The following NAALADL2 variants were observed in gnomAD, a reference collection of about 807,000 sequenced individuals.
NAALADL2 encodes the protein N-acetylated alpha-linked acidic dipeptidase like 2.
A neutral mutation model predicts 87.2 loss-of-function variants in NAALADL2; 76 were observed. The observed-to-expected ratio is 0.87, with a 90% CI of 0.72 to 1.05. The LOEUF (loss-of-function observed/expected upper bound fraction) is 1.05. NAALADL2 is among the 50% of genes least tolerant of loss of function. The pLI, the probability that NAALADL2 is intolerant of heterozygous loss-of-function variation, is 0.00. For synonymous variants in NAALADL2, 354 were observed against 331.0 expected (o/e 1.07, Z -0.75); for missense variants, 1,089 against 945.8 (o/e 1.15, Z -1.99).
Position 175,616,843 on chromosome 3 carries a change from G to A in NAALADL2, c.1801-10448G>A, listed in dbSNP as rs770561358. On this transcript the variant is annotated intron_variant, in intron 10 of 13. Transcript: ENST00000454872. ...ATTGCCCATGGCTTCTAGCCCTTTC[G>A]TAGCTTCTGCTTTTAAGGGATATTG... is the stretch of plus-strand genomic sequence containing the variant. 2.1e-4 allele frequency among the ~76,000 whole-genome samples: 32 copies of A among 152,156 alleles called. 1 individual carries two copies. Among genetic ancestry groups the A allele is most frequent in the African/African-American group, 7.5e-4 (31 of 41,446 alleles).
chr3:174,496,625 T>C (rs1275484059), intron 1 of NAALADL2, among the ~76,000 whole-genome samples: 1 of 151,626 alleles, frequency 6.6e-6, no homozygotes, highest in East Asian at 1.9e-4. Context: ...TTAAGAACCC[T>C]CAGTTAAGAG....
chr3:174,723,616 C>T (rs1000121155), intron 2 of NAALADL2, among the ~76,000 whole-genome samples: 4 of 151,680 alleles, frequency 2.6e-5, no homozygotes, highest in Admixed American at 6.6e-5. Flanking sequence ...ATTAGCCGGG[C>T]ATGGTGGCGG....
chr3:175,377,299 G>A (rs1767249572), intron 5 of NAALADL2, among the ~76,000 whole-genome samples: 1 of 152,096 alleles, frequency 6.6e-6, no homozygotes, highest in Admixed American at 6.5e-5. Flanking sequence ...GTGACAGAGT[G>A]ACACTCTGTT....
At chr3:175,347,637 A>T (rs971951844) in intron 5 of NAALADL2, among the ~76,000 whole-genome samples, 1 of 152,220 alleles carries the variant, frequency 6.6e-6, no homozygotes, top group Admixed American at 6.5e-5. Flanking sequence ...TTTCTTGGTC[A>T]TGGCTTTATG....
At chr3:174,611,777 A>G (rs967534070) in intron 2 of NAALADL2, among the ~76,000 whole-genome samples, 6 of 149,754 alleles carry the variant, frequency 4.0e-5, no homozygotes, top group Non-Finnish European at 8.9e-5. Context: ...TTTTTTTTTT[A>G]GTAGAGACGG....
chr3:174,974,382 C>A (rs1283590499), intron 1 of NAALADL2, among the ~76,000 whole-genome samples: 3 of 152,104 alleles, frequency 2.0e-5, no homozygotes, highest in Non-Finnish European at 4.4e-5. Flanking sequence ...TGAAATTTAT[C>A]AAGGCATCCC....
At chr3:175,722,434 T>A (rs1742363352) in intron 11 of NAALADL2, among the ~76,000 whole-genome samples, 1 of 152,072 alleles carries the variant, frequency 6.6e-6, no homozygotes, top group South Asian at 2.1e-4. Flanking sequence ...CCTAAGTAAA[T>A]GAGGTGGTTC....
At chr3:175,381,363 T>C (rs1219052213) in intron 5 of NAALADL2, among the ~76,000 whole-genome samples, 1 of 151,668 alleles carries the variant, frequency 6.6e-6, no homozygotes, top group East Asian at 1.9e-4. Flanking sequence ...TAAAAAAGAT[T>C]AGTTACAGAT....
chr3:175,617,086 T>G (rs984182904), intron 10 of NAALADL2, among the ~76,000 whole-genome samples: 2 of 152,016 alleles, frequency 1.3e-5, no homozygotes, highest in Admixed American at 6.6e-5. Context: ...TCAAACATGA[T>G]TAAAAAGGCG....
In NAALADL2 at chr3:175,576,092, A is replaced by G; in HGVS notation, c.1705A>G (p.Ser569Gly). Reference sequence around the variant, plus strand: ...AGCCCAGTGCCCAGAAACCAATATCAGTTCTATACAGATACAAGGTGATGC... The same window carrying G: ...AGCCCAGTGCCCAGAAACCAATATCGGTTCTATACAGATACAAGGTGATGC... Reference protein sequence around the residue: ...RRAQCPETNISSIQIQGDADY... With the variant: ...RRAQCPETNIGSIQIQGDADY... Residue 569 changes from serine (S) to glycine (G), a missense_variant, in exon 10 of 14, where the codon AGT (serine) becomes GGT (glycine). Ser to Gly is a moderately conservative substitution (Grantham distance 56, BLOSUM62 0). Coordinates refer to ENST00000454872, the MANE Select transcript of NAALADL2 (RefSeq NM_207015.3). 1 of 1,612,136 alleles carries G rather than the reference A, an allele frequency of 6.2e-7. No homozygotes were observed. The highest frequency in any genetic ancestry group is 8.5e-7 in the Non-Finnish European group (1 of 1,178,398).
At chr3:174,531,095 T>G (rs868661356) in intron 1 of NAALADL2, among the ~76,000 whole-genome samples, 4 of 152,164 alleles carry the variant, frequency 2.6e-5, no homozygotes, top group Admixed American at 6.5e-5. Context: ...TTAGCCCAAA[T>G]TTAGTGTAAT....
At chr3:175,265,261 A>C (rs1373287085) in intron 4 of NAALADL2, among the ~76,000 whole-genome samples, 1 of 151,662 alleles carries the variant, frequency 6.6e-6, no homozygotes, top group African/African-American at 2.4e-5. Flanking sequence ...TTGAAATTCT[A>C]GTTCATTGTT....
chr3:174,473,263 T>A (rs1717015182), intron 1 of NAALADL2, among the ~76,000 whole-genome samples: 1 of 152,150 alleles, frequency 6.6e-6, no homozygotes. Flanking sequence ...TTGAGGATTA[T>A]TAAGTTTTGA....
chr3:175,287,620 C>T (rs77317335), intron 4 of NAALADL2, among the ~76,000 whole-genome samples: 1,770 of 152,232 alleles, frequency 0.012, 34 homozygotes, highest in African/African-American at 0.04. Context: ...CTCTTACCCA[C>T]GATGCTATGC....
At chr3:174,835,009 CAAAG>C (rs1723163032) in intron 3 of NAALADL2, among the ~76,000 whole-genome samples, 1 of 151,308 alleles carries the variant, frequency 6.6e-6, no homozygotes, top group Non-Finnish European at 1.5e-5. Flanking sequence ...TTTAAAAATG[CAAAG>C]AAATTTGGAA....
chr3:175,021,053 C>T (rs1751492290), intron 1 of NAALADL2, among the ~76,000 whole-genome samples: 1 of 152,010 alleles, frequency 6.6e-6, no homozygotes, highest in South Asian at 2.1e-4. Context: ...AACAGAATAG[C>T]AGGAGACAAA....
At chr3:174,803,089 C>A (rs1719030597) in intron 3 of NAALADL2, among the ~76,000 whole-genome samples, 1 of 152,086 alleles carries the variant, frequency 6.6e-6, no homozygotes, top group South Asian at 2.1e-4. Context: ...CTTTACGCTC[C>A]CACCAACAGT....
chr3:175,484,919 C>A (rs1727032893), intron 9 of NAALADL2, among the ~76,000 whole-genome samples: 1 of 152,114 alleles, frequency 6.6e-6, no homozygotes. Flanking sequence ...CCTGTGTACA[C>A]TAGTTTTTAG....
chr3:175,611,871 C>T (rs1724699119), intron 10 of NAALADL2, among the ~76,000 whole-genome samples: 1 of 152,080 alleles, frequency 6.6e-6, no homozygotes, highest in African/African-American at 2.4e-5. Context: ...CTTTCTTTAA[C>T]AACTATTCAT....
Sources: allele counts gnomAD v4.1 joint callset (sites outside exome capture counted in the v4.1 genomes callset), GRCh38; gene constraint gnomAD v4.1.1; transcripts MANE v1.5; gene names NCBI Gene and HGNC (gene_info 2026-07-23, HGNC 2026-07-21).